The following ELP1 variants were observed in gnomAD, a reference collection of about 807,000 sequenced individuals.
ELP1 encodes the protein elongator acetyltransferase complex subunit 1, also known as elongator complex protein 1.
In ELP1, 131 loss-of-function variants were observed where a neutral mutation model predicts 183.2. The observed-to-expected ratio is 0.72, with a 90% CI of 0.62 to 0.83. The LOEUF (loss-of-function observed/expected upper bound fraction) is 0.83, where lower values mean the gene tolerates loss of function less well. ELP1 is among the 40% of genes least tolerant of loss of function. The probability of loss-of-function intolerance (pLI) is 0.00; values close to 1 mark genes in which losing one functional copy is unlikely to be tolerated. For synonymous variants in ELP1, 555 were observed against 569.0 expected, an observed-to-expected ratio of 0.98 and a Z score of 0.35; for missense variants, 1,550 against 1,594.9, an observed-to-expected ratio of 0.97 and a Z score of 0.48.
chr9:108,920,438 T>C (rs1176811478), intron 6 of ELP1, among the ~76,000 whole-genome samples: 1 of 152,120 alleles, frequency 6.6e-6, no homozygotes, highest in Non-Finnish European at 1.5e-5. Flanking sequence ...TCTGCCACCA[T>C]GCCTGGCTAA....
chr9:108,920,769 G>A (rs1163557842), intron 6 of ELP1, among the ~76,000 whole-genome samples: 1 of 151,994 alleles, frequency 6.6e-6, no homozygotes, highest in African/African-American at 2.4e-5. Flanking sequence ...AAACCAAGAC[G>A]AGGCCCTAGA....
In ELP1 at chr9:108,897,300, G is replaced by C; in HGVS notation, c.2364-15C>G. The C allele has an allele frequency of 6.2e-7, 1 of 1,613,788 alleles. No homozygotes were observed. The highest frequency in any genetic ancestry group is 1.3e-5 in the African/African-American group (1 of 75,018). On this transcript the variant is annotated splice_polypyrimidine_tract_variant and intron_variant, in intron 22 of 36. Transcript: ENST00000374647. ...CATCTTCTTCTCTAAGAACAGGTGT[G>C]TATGGAATGGTCATCAACAGAACAT...
rs1159708225 is a variant in ELP1 at position 108,889,324 on chromosome 9, G to A, written c.3222+8C>T. Reference sequence around the variant, plus strand: ...CTGGGGGGTTTAGAAGGGAGGAATTGAGTTTACCTGGGCACACTCTTCCAA... The same window carrying A: ...CTGGGGGGTTTAGAAGGGAGGAATTAAGTTTACCTGGGCACACTCTTCCAA... On this transcript the variant is annotated splice_region_variant and intron_variant, in intron 29 of 36. Transcript: ENST00000374647. 6.2e-7 allele frequency: 1 copy of A among 1,613,400 alleles called. No homozygotes were observed. The highest frequency in any genetic ancestry group is 1.7e-5 in the Admixed American group (1 of 60,020).
At chr9:108,930,920 C>G (rs1212403983) in intron 2 of ELP1, 77 bp downstream of exon 2, 1 of 1,395,032 alleles carries the variant, frequency 7.2e-7, no homozygotes, top group Non-Finnish European at 1.0e-6. Context: ...AAAGAAAGAC[C>G]ATGTGGGGAA....
At chr9:108,880,838 C>A (rs1255799351) in intron 31 of ELP1, among the ~76,000 whole-genome samples, 1 of 152,138 alleles carries the variant, frequency 6.6e-6, no homozygotes, top group Non-Finnish European at 1.5e-5. Context: ...AAGTGAATGA[C>A]ATAAAAAGTA....
chr9:108,933,316 T>C (rs1289615218), intron 1 of ELP1, among the ~76,000 whole-genome samples: 3 of 152,186 alleles, frequency 2.0e-5, no homozygotes, highest in East Asian at 1.9e-4. Flanking sequence ...GCTGTCAATA[T>C]ACAGTTGAAT....
Position 108,900,242 on chromosome 9 carries a change from T to A in ELP1, c.2130+18A>T. 6.5e-7 allele frequency: 1 copy of A among 1,540,426 alleles called. No homozygotes were observed. The highest frequency in any genetic ancestry group is 1.7e-4 in the Middle Eastern group (1 of 5,932). ...AATGACAATCAGACTATCTATCTTGTCTGAAAAACCAGCTTACCTGTAATA... is the reference window on the plus strand; with the variant it reads ...AATGACAATCAGACTATCTATCTTGACTGAAAAACCAGCTTACCTGTAATA... On this transcript the variant is annotated intron_variant, in intron 19 of 36. Coordinates refer to ENST00000374647, the MANE Select transcript of ELP1 (RefSeq NM_003640.5).
intron 8 of ELP1, 115 bp downstream of exon 8, chr9:108,918,696 A>T: frequency 1.2e-6 from 1 of 808,638 alleles, no homozygotes; most frequent in East Asian, 2.4e-5. Context: ...TAACCAAATG[A>T]AGAAACGTAA....
intron 1 of ELP1, among the ~76,000 whole-genome samples, chr9:108,932,775 A>G (rs1189909605): frequency 6.6e-6 from 1 of 152,140 alleles, no homozygotes; most frequent in Non-Finnish European, 1.5e-5. Context: ...GGAAAGGAAT[A>G]TCCTCCATAT....
chr9:108,892,360 T>A (rs1487740201), intron 27 of ELP1, among the ~76,000 whole-genome samples: 3 of 152,200 alleles, frequency 2.0e-5, no homozygotes, highest in African/African-American at 7.2e-5. Context: ...AAGCTGGTGC[T>A]AAAGAAGCTG....
Position 108,878,127 on chromosome 9 carries a change from C to A in ELP1, c.3723G>T (p.Lys1241Asn). ...CATCAAACTCAAAGAGAAAGAGTAC[C>A]TTTAAAATATGGTATACTTCATCTA... The part of the protein sequence containing the change: ...NLKDEVYHIL[K>N]VLFLFEFDEQ... Residue 1241 changes from lysine (K) to asparagine (N), a missense_variant, in exon 35 of 37, where the codon AAG becomes AAT. Transcript: ENST00000374647. The A allele has an allele frequency of 6.2e-7, 1 of 1,610,296 alleles. No homozygotes were observed. Among genetic ancestry groups the A allele is most frequent in the Non-Finnish European group, 8.5e-7 (1 of 1,176,668 alleles).
chr9:108,889,357 GC>G lies in ELP1; in HGVS notation c.3196del (p.Ala1066ProfsTer19). On this transcript the variant is annotated frameshift_variant, in exon 29 of 37. Transcript: ENST00000374647. LOFTEE classifies it high-confidence loss of function. ...LVEQRKHIDA[A>X]MVLEECAQDY... ...CTGGGCACACTCTTCCAAAACCATG[GC>G]CGCATCAATGTGCTTCCTCTGCTCA... The G allele has an allele frequency of 6.2e-7, 1 of 1,614,136 alleles. No homozygotes were observed. Among genetic ancestry groups the G allele is most frequent in the Non-Finnish European group, 8.5e-7 (1 of 1,179,986 alleles).
intron 2 of ELP1, 21 bp downstream of exon 2, chr9:108,930,976 C>CT (rs1829986453): frequency 6.2e-7 from 1 of 1,613,512 alleles, no homozygotes; most frequent in African/African-American, 1.3e-5. Flanking sequence ...CACATGCTGG[C>CT]ATTCTACATC....
intron 20 of ELP1, among the ~76,000 whole-genome samples, chr9:108,899,352 A>T (rs908202962): frequency 6.6e-6 from 1 of 152,140 alleles, no homozygotes; most frequent in African/African-American, 2.4e-5. Context: ...TTTTAAACAA[A>T]ACATTAGTAT....
intron 3 of ELP1, 43 bp from the exon 4 acceptor site, chr9:108,927,496 T>A: frequency 6.7e-7 from 1 of 1,494,890 alleles, no homozygotes; most frequent in Middle Eastern, 1.7e-4. Context: ...AACACTAGCA[T>A]CTCAGTAAAA....
In ELP1 at chr9:108,875,083, G is replaced by A; in HGVS notation, c.3856-113C>T. ...AACAGCCTGTCATTTCTACTGGTATGGTGTGAAACACAGTAATTCTCTTTC... is the reference window on the plus strand; with the variant it reads ...AACAGCCTGTCATTTCTACTGGTATAGTGTGAAACACAGTAATTCTCTTTC... On this transcript the variant is annotated intron_variant, in intron 35 of 36. Transcript: ENST00000374647. 3 of 758,938 alleles carry A rather than the reference G, an allele frequency of 4.0e-6. No individual in the cohort carries two copies. In the South Asian group the frequency reaches 4.2e-5, roughly 11 times the overall value. The allele number at this position is 758,938 out of a possible 1,614,324, so 47.0% of individuals were successfully genotyped here.
At chr9:108,891,855 C>T (rs898859249) in intron 27 of ELP1, among the ~76,000 whole-genome samples, 1 of 152,042 alleles carries the variant, frequency 6.6e-6, no homozygotes, top group African/African-American at 2.4e-5. Context: ...GAATAAACCA[C>T]GTGATGAGAT....
At chr9:108,919,188 A>G in intron 7 of ELP1, 65 bp downstream of exon 7, 1 of 1,144,212 alleles carries the variant, frequency 8.7e-7, no homozygotes, top group Non-Finnish European at 1.3e-6. Context: ...AAGAAAGAAA[A>G]TTTTCCTTAA....
Position 108,880,087 on chromosome 9 carries a change from C to G in ELP1, c.3425G>C (p.Arg1142Pro). 6.2e-7 allele frequency: 1 copy of G among 1,614,076 alleles called. No individual in the cohort carries two copies. Among genetic ancestry groups the G allele is most frequent in the Non-Finnish European group, 8.5e-7 (1 of 1,179,936 alleles). The change falls in exon 32 of 37, where the codon CGA becomes CCA. Residue 1142 changes from arginine (R) to proline (P), a missense_variant. Coordinates refer to ENST00000374647, the MANE Select transcript of ELP1 (RefSeq NM_003640.5). ...SRHKKRLLVVRELKEQAQQAG... is the reference protein window; with the variant it reads ...SRHKKRLLVVPELKEQAQQAG... ...CTGCTGGGCTTGCTCCTTGAGCTCT[C>G]GAACTACCAATAAACGTTTCTTGTG...
Sources: allele counts gnomAD v4.1 joint callset (sites outside exome capture counted in the v4.1 genomes callset), GRCh38; gene constraint gnomAD v4.1.1; transcripts MANE v1.5; gene names NCBI Gene and HGNC (gene_info 2026-07-23, HGNC 2026-07-21).